Variants in PHEX observed in about 807,000 individuals in gnomAD.
PHEX encodes the protein phosphate regulating endopeptidase X-linked.
Under a neutral mutation model 68.0 loss-of-function variants are expected in PHEX, and 16 were observed. The ratio of observed to expected loss-of-function variants is 0.24; its 90% CI spans 0.16 to 0.36. The LOEUF (loss-of-function observed/expected upper bound fraction) is 0.36. Ranked by LOEUF, PHEX falls within the 10% of genes least tolerant of loss-of-function variation. The probability of loss-of-function intolerance (pLI) is 1.00; values close to 1 mark genes in which losing one functional copy is unlikely to be tolerated. For synonymous variants in PHEX, 208 were observed against 205.1 expected, an observed-to-expected ratio of 1.01 and a Z score of -0.12; for missense variants, 480 against 575.5, an observed-to-expected ratio of 0.83 and a Z score of 1.70.
chrX:22,179,147 C>G (rs866533742), intron 14 of PHEX, among the ~76,000 whole-genome samples: 1 of 111,101 alleles, frequency 9.0e-6, no homozygotes, highest in South Asian at 3.8e-4. Flanking sequence ...AGGTTTGGAT[C>G]ACATTTTGTT....
chrX:22,160,416 G>A (rs1356691979), intron 12 of PHEX, among the ~76,000 whole-genome samples: 1 of 110,303 alleles, frequency 9.1e-6, no homozygotes, highest in Admixed American at 9.6e-5. Flanking sequence ...TGGACATGGT[G>A]TGGGCACCTG....
chrX:22,125,742 C>CATGGATTCAGGAAGTTCTAT (rs1569402595), intron 11 of PHEX, among the ~76,000 whole-genome samples: 7 of 111,436 alleles, frequency 6.3e-5, no homozygotes, highest in African/African-American at 2.0e-4. Flanking sequence ...ATAAGTTCTA[C>CATGGATTCAGGAAGTTCTAT]TCATGGATTC....
chrX:22,037,291 G>T (rs1460993609), intron 1 of PHEX, among the ~76,000 whole-genome samples: 3 of 110,612 alleles, frequency 2.7e-5, no homozygotes, highest in Non-Finnish European at 5.7e-5. Flanking sequence ...GTAATCTACA[G>T]GTCTTCCATC....
chrX:22,212,804 T>C (rs1602395565), intron 15 of PHEX, 100 bp from the exon 16 acceptor site: 9 of 648,568 alleles, frequency 1.4e-5, no homozygotes. Context: ...GAGGAGTGCC[T>C]TTCAGATGGG....
chrX:22,037,919 G>A (rs1346316252), intron 1 of PHEX, among the ~76,000 whole-genome samples: 1 of 111,821 alleles, frequency 8.9e-6, no homozygotes, highest in African/African-American at 3.3e-5. Context: ...AAATGACATA[G>A]TTTAAAAGTT....
chrX:22,073,786 T>C (rs1324264160), intron 3 of PHEX, among the ~76,000 whole-genome samples: 12 of 108,330 alleles, frequency 1.1e-4, no homozygotes, highest in Non-Finnish European at 1.9e-4. Flanking sequence ...ACTACAGGTG[T>C]GCGCCACCAT....
intron 18 of PHEX, among the ~76,000 whole-genome samples, chrX:22,225,888 C>T (rs954471309): frequency 5.4e-5 from 6 of 112,038 alleles, no homozygotes; most frequent in East Asian, 2.8e-4. Flanking sequence ...GGTTGTCATA[C>T]ATATCGCAGA....
intron 6 of PHEX, among the ~76,000 whole-genome samples, chrX:22,091,607 A>G (rs1342996624): frequency 1.8e-5 from 2 of 111,678 alleles, no homozygotes; most frequent in Admixed American, 1.9e-4. Flanking sequence ...CGCTCCCAAG[A>G]CAGGGTCTAA....
At chrX:22,207,096 T>C (rs1033523052) in intron 15 of PHEX, among the ~76,000 whole-genome samples, 1 of 112,169 alleles carries the variant, frequency 8.9e-6, no homozygotes, top group African/African-American at 3.2e-5. Context: ...CCAACTAGGT[T>C]ACTCCATATT....
chrX:22,047,003 C>T lies in PHEX; in HGVS notation c.188-47C>T, dbSNP rs178720. On this transcript the variant is annotated intron_variant, in intron 2 of 21. Transcript: ENST00000379374. ...GTTTAATTTGGAAAAGAACAGTATA[C>T]AACATTCAGTGCTTGTCATTAATCC... 172,437 of 1,073,490 alleles carry T rather than the reference C, an allele frequency of 0.16. 10,172 individuals are homozygous for T. The highest frequency in any genetic ancestry group is 0.26 in the Admixed American group (11,974 of 45,435). The allele number at this position is 1,073,490 out of a possible 1,213,427, so 88.5% of individuals were successfully genotyped here.
chrX:22,215,450 C>T (rs1249417343), intron 16 of PHEX, among the ~76,000 whole-genome samples: 1 of 111,119 alleles, frequency 9.0e-6, no homozygotes, highest in East Asian at 2.8e-4. Flanking sequence ...GCTTAGTCCT[C>T]ACCTGAGTGT....
intron 15 of PHEX, among the ~76,000 whole-genome samples, chrX:22,200,710 C>G (rs1934522674): frequency 9.0e-6 from 1 of 111,633 alleles, no homozygotes; most frequent in Admixed American, 9.5e-5. Flanking sequence ...TTAGAGTAAT[C>G]ATTATTATAT....
chrX:22,122,476 G>A (rs1230595563), intron 11 of PHEX, among the ~76,000 whole-genome samples: 3 of 111,579 alleles, frequency 2.7e-5, no homozygotes, highest in Non-Finnish European at 5.6e-5. Flanking sequence ...CTGATTTTCT[G>A]CAAAGTTGCA....
At chrX:22,087,607 A>G (rs975416700) in intron 5 of PHEX, among the ~76,000 whole-genome samples, 2 of 111,946 alleles carry the variant, frequency 1.8e-5, no homozygotes, top group African/African-American at 3.2e-5. Flanking sequence ...AAATTTATGT[A>G]TTTAAGATTA....
intron 5 of PHEX, among the ~76,000 whole-genome samples, chrX:22,088,626 G>A (rs1055478634): frequency 3.6e-5 from 4 of 111,213 alleles, no homozygotes; most frequent in African/African-American, 9.8e-5. Context: ...TGTTAGAATC[G>A]TTTGCTCAAT....
At chrX:22,125,042 A>G (rs905046406) in intron 11 of PHEX, among the ~76,000 whole-genome samples, 1 of 111,883 alleles carries the variant, frequency 8.9e-6, no homozygotes, top group Admixed American at 9.5e-5. Context: ...ATTTTTTATC[A>G]GGAGCCAATC....
At chrX:22,184,243 G>GTT (rs1342781656) in intron 14 of PHEX, among the ~76,000 whole-genome samples, 13 of 96,082 alleles carry the variant, frequency 1.4e-4, no homozygotes, top group African/African-American at 5.5e-4. Context: ...TTTCCTTCTT[G>GTT]TTTTTTTTTT....
Position 22,043,783 on chromosome X carries a change from C to G in PHEX, c.188-3267C>G, listed in dbSNP as rs751417612. Among the ~76,000 whole-genome samples the G allele has an allele frequency of 1.1e-3, 122 of 111,609 alleles. 2 individuals carry two copies. The Middle Eastern group carries it at 0.028, about 25-fold the overall frequency. ...AACTGGTGACTGTGTGACAATTAACCTTATATATAGTGACTTGGAAGAGTA... is the reference window on the plus strand; with the variant it reads ...AACTGGTGACTGTGTGACAATTAACGTTATATATAGTGACTTGGAAGAGTA... On this transcript the variant is annotated intron_variant, in intron 2 of 21. Transcript: ENST00000379374.
At chrX:22,174,684 T>C (rs767797925) in intron 13 of PHEX, among the ~76,000 whole-genome samples, 3 of 111,931 alleles carry the variant, frequency 2.7e-5, no homozygotes, top group Non-Finnish European at 5.6e-5. Context: ...AATATATACT[T>C]CTGTTACAGT....
Sources: allele counts gnomAD v4.1 joint callset (sites outside exome capture counted in the v4.1 genomes callset), GRCh38; gene constraint gnomAD v4.1.1; transcripts MANE v1.5; gene names NCBI Gene and HGNC (gene_info 2026-07-23, HGNC 2026-07-21).